The following GPC4 variants were observed in gnomAD, a reference collection of about 807,000 sequenced individuals.
GPC4 encodes the protein glypican-4.
In GPC4, 10 loss-of-function variants were observed where a neutral mutation model predicts 35.0. That is an observed-to-expected ratio of 0.29 (90% CI 0.18 to 0.48). The LOEUF is 0.48. Among genes scored for constraint, GPC4 ranks in the 20% least tolerant of loss-of-function variants. GPC4 has a pLI of 0.99. For missense variants in GPC4, 322 were observed against 451.3 expected (o/e 0.71, Z 2.60); for synonymous variants, 167 against 170.2 (o/e 0.98, Z 0.15).
At chrX:133,327,538 C>G (rs961036682) in intron 2 of GPC4, among the ~76,000 whole-genome samples, 19 of 109,736 alleles carry the variant, frequency 1.7e-4, no homozygotes, top group African/African-American at 6.3e-4. Flanking sequence ...AGAGAAATGG[C>G]CTAATGAAGA....
intron 3 of GPC4, among the ~76,000 whole-genome samples, chrX:133,320,621 T>A (rs2068360078): frequency 1.5e-5 from 1 of 65,175 alleles, no homozygotes; most frequent in Admixed American, 1.8e-4. Flanking sequence ...CAAAACTCTG[T>A]CTCAAAAAAA....
chrX:133,334,422 T>A (rs1462255897), intron 2 of GPC4, among the ~76,000 whole-genome samples: 1 of 111,823 alleles, frequency 8.9e-6, no homozygotes, highest in Non-Finnish European at 1.9e-5. Flanking sequence ...TTATTCAAGT[T>A]AACAAGCTTC....
At chrX:133,395,903 AAG>A (rs999860970) in intron 1 of GPC4, among the ~76,000 whole-genome samples, 1 of 111,641 alleles carries the variant, frequency 9.0e-6, no homozygotes, top group Non-Finnish European at 1.9e-5. Flanking sequence ...TTAGGAAAAG[AAG>A]AGAGATATGA....
At position 133,411,996 on chromosome X, in the gene GPC4, G is replaced by A. The variant is rs183205900; in HGVS notation, c.160+2810C>T. On this transcript the variant is annotated intron_variant, in intron 1 of 8. Transcript: ENST00000370828. ...TTAAAGCCTGTTCAAACCTCTAGAA[G>A]GCAAGTGCAAGGCCATCTGGAATAA... 1.5e-3 allele frequency among the ~76,000 whole-genome samples: 172 copies of A among 111,506 alleles called. 1 individual carries two copies. Among genetic ancestry groups the A allele is most frequent in the Non-Finnish European group, 2.4e-3 (130 of 53,145 alleles).
At chrX:133,410,992 C>T (rs957103058) in intron 1 of GPC4, among the ~76,000 whole-genome samples, 2 of 112,001 alleles carry the variant, frequency 1.8e-5, no homozygotes, top group Admixed American at 9.5e-5. Context: ...ACATTACTTA[C>T]GGTGGGGAAG....
intron 3 of GPC4, 31 bp downstream of exon 3, chrX:133,324,111 CAAA>C (rs2068379573): frequency 8.7e-7 from 1 of 1,143,251 alleles, no homozygotes; most frequent in African/African-American, 1.8e-5. Flanking sequence ...GAAAACAAAA[CAAA>C]AACAAAACAG....
Position 133,325,431 on chromosome X carries a change from C to T in GPC4, c.320-895G>A, listed in dbSNP as rs189648436. On this transcript the variant is annotated intron_variant, in intron 2 of 8. Transcript: ENST00000370828. Reference sequence around the variant, plus strand: ...TCAGATTTACTTTTTGGCCACCATACAGCCACAGCCTAAGGTTAGAGATTT... The same window carrying T: ...TCAGATTTACTTTTTGGCCACCATATAGCCACAGCCTAAGGTTAGAGATTT... Among the ~76,000 whole-genome samples the T allele has an allele frequency of 5.4e-3, 35 of 6,521 alleles. No individual in the cohort carries two copies. The East Asian group carries it at 0.16, about 30-fold the overall frequency. 5.7% of individuals were successfully genotyped at this position (6,521 alleles called of 115,157 possible).
chrX:133,387,700 G>A (rs1253980385), intron 1 of GPC4, among the ~76,000 whole-genome samples: 1 of 111,961 alleles, frequency 8.9e-6, no homozygotes, highest in East Asian at 2.8e-4. Context: ...TAGAGGCAGT[G>A]TTTCCTGTAA....
intron 1 of GPC4, among the ~76,000 whole-genome samples, chrX:133,386,187 A>G (rs2068688702): frequency 9.7e-6 from 1 of 103,410 alleles, no homozygotes; most frequent in African/African-American, 3.5e-5. Context: ...GTGAGCTATG[A>G]TTGTACCACT....
intron 1 of GPC4, among the ~76,000 whole-genome samples, chrX:133,373,388 GACACACAC>G (rs745387266): frequency 9.3e-6 from 1 of 107,113 alleles, no homozygotes; most frequent in African/African-American, 3.4e-5. Flanking sequence ...GGTTATTGAA[GACACACAC>G]ACACACACAC....
intron 4 of GPC4, among the ~76,000 whole-genome samples, chrX:133,308,249 G>A (rs1371286063): frequency 8.9e-6 from 1 of 111,815 alleles, no homozygotes; most frequent in East Asian, 2.8e-4. Flanking sequence ...CCTTGTTTGC[G>A]GGATATCTGA....
chrX:133,354,713 C>T lies in GPC4; in HGVS notation c.161-15372G>A, dbSNP rs867777060. 3.5e-3 allele frequency among the ~76,000 whole-genome samples: 368 copies of T among 106,599 alleles called. 3 individuals carry two copies. The highest frequency in any genetic ancestry group is 9.3e-3 in the Middle Eastern group (2 of 215). The allele number at this position is 106,599 out of a possible 115,157, so 92.6% of individuals were successfully genotyped here. On this transcript the variant is annotated intron_variant, in intron 1 of 8. Transcript: ENST00000370828. ...CCTCCCGAGTAGCTGGGACTACAGGCGCCCGCCACCGCGCCCGGCTAATTT... is the reference window on the plus strand; with the variant it reads ...CCTCCCGAGTAGCTGGGACTACAGGTGCCCGCCACCGCGCCCGGCTAATTT...
chrX:133,381,360 G>A (rs953848567), intron 1 of GPC4, among the ~76,000 whole-genome samples: 8 of 112,376 alleles, frequency 7.1e-5, no homozygotes, highest in Middle Eastern at 4.6e-3. Context: ...TTCCTTATGC[G>A]TGAGCTTGTC....
chrX:133,403,974 G>A (rs1329983489), intron 1 of GPC4, among the ~76,000 whole-genome samples: 1 of 111,213 alleles, frequency 9.0e-6, no homozygotes, highest in Non-Finnish European at 1.9e-5. Flanking sequence ...TGGGATTACA[G>A]GCGAGAGCCA....
intron 7 of GPC4, among the ~76,000 whole-genome samples, chrX:133,303,954 G>GAAGGAAGGAAGGAAGGAAGC (rs1315046942): frequency 1.3e-4 from 14 of 108,206 alleles, no homozygotes; most frequent in African/African-American, 4.7e-4. Flanking sequence ...AGGAAGGAAG[G>GAAGGAAGGAAGGAAGGAAGC]AAGCTAGCTA....
intron 1 of GPC4, among the ~76,000 whole-genome samples, chrX:133,365,295 T>A (rs141593807): frequency 0.014 from 1,616 of 112,004 alleles, 36 homozygotes; most frequent in African/African-American, 0.05. Context: ...CACTACAGTG[T>A]TTGCTTTGCC....
At chrX:133,319,056 CA>C (rs2068351630) in intron 3 of GPC4, among the ~76,000 whole-genome samples, 1 of 112,152 alleles carries the variant, frequency 8.9e-6, no homozygotes, top group Non-Finnish European at 1.9e-5. Context: ...CCCTTTGCTG[CA>C]AAAGTAAACT....
At chrX:133,397,111 A>G (rs2068746828) in intron 1 of GPC4, among the ~76,000 whole-genome samples, 1 of 112,291 alleles carries the variant, frequency 8.9e-6, no homozygotes, top group African/African-American at 3.2e-5. Context: ...AAAAAATGGC[A>G]AATGCTTTAT....
At chrX:133,397,815 C>G (rs764434302) in intron 1 of GPC4, among the ~76,000 whole-genome samples, 10 of 111,746 alleles carry the variant, frequency 8.9e-5, no homozygotes, top group Middle Eastern at 4.2e-3. Flanking sequence ...AATCCCAGCA[C>G]TTTGGGAGGC....
Sources: gnomAD v4.1 joint callset for allele counts (sites outside exome capture counted in the v4.1 genomes callset) on GRCh38, gnomAD v4.1.1 for gene constraint, MANE v1.5 for transcripts, NCBI Gene and HGNC (gene_info 2026-07-23, HGNC 2026-07-21) for gene names.